Variants in SEC23A observed in about 807,000 individuals in gnomAD.
SEC23A encodes the protein protein transport protein Sec23A.
In SEC23A, 56 loss-of-function variants were observed where a neutral mutation model predicts 103.7. The ratio of observed to expected loss-of-function variants is 0.54; its 90% CI spans 0.44 to 0.67. The LOEUF is 0.67. Among genes scored for constraint, SEC23A ranks in the 30% least tolerant of loss-of-function variants. The pLI, the probability that SEC23A is intolerant of heterozygous loss-of-function variation, is 0.00. For missense variants in SEC23A, 784 were observed against 936.4 expected (o/e 0.84, Z 2.12); for synonymous variants, 281 against 293.0 (o/e 0.96, Z 0.42).
rs988751454 is a variant in SEC23A at position 39,103,198 on chromosome 14, C to A, written c.-188G>T. ...CCCCGCCCCGGGCCTCAGCGAAGAC[C>A]TCCGCCCGGCCAACATGGCTGGCGC... On this transcript the variant is annotated 5_prime_UTR_variant, in exon 1 of 20. It adds an upstream start codon to the 5' untranslated region. Transcript: ENST00000307712. 2 of 152,582 alleles carry A rather than the reference C, an allele frequency of 1.3e-5. No individual in the cohort carries two copies. Among genetic ancestry groups the A allele is most frequent in the Admixed American group, 1.3e-4 (2 of 15,306 alleles). The allele number at this position is 152,582 out of a possible 1,614,324, so 9.5% of individuals were successfully genotyped here.
At chr14:39,091,155 G>A (rs1887648467) in intron 5 of SEC23A, 1 of 378,752 alleles carries the variant, frequency 2.6e-6, no homozygotes, top group East Asian at 6.7e-5. Flanking sequence ...AAAAAAAAAA[G>A]AAACAAGCTA....
chr14:39,094,432 ATATATATATATTTTTTTTTT>A lies in SEC23A; in HGVS notation c.222-1208_222-1189del, dbSNP rs1185572462. On this transcript the variant is annotated intron_variant, in intron 2 of 19. Transcript: ENST00000307712. ...TATATATATATATATATATATATATATATATATATATTTTTTTTTTTTTTTTTTCCCCTCCTGTAGAAATG... is the reference window on the plus strand; with the variant it reads ...TATATATATATATATATATATATATATTTTTTTTCCCCTCCTGTAGAAATG... 6.2e-4 allele frequency among the ~76,000 whole-genome samples: 23 copies of A among 36,846 alleles called. 4 individuals carry two copies. Among genetic ancestry groups the A allele is most frequent in the East Asian group, 3.3e-3 (4 of 1,198 alleles). The allele number at this position is 36,846 out of a possible 152,430, so 24.2% of individuals were successfully genotyped here. A position where few individuals can be genotyped will look rare whatever the true frequency, so the allele number is the denominator to read the frequency against.
chr14:39,044,275 T>C (rs919376856), intron 16 of SEC23A, among the ~76,000 whole-genome samples: 7 of 152,236 alleles, frequency 4.6e-5, no homozygotes, highest in Non-Finnish European at 8.8e-5. Flanking sequence ...GATGTCTACA[T>C]GCACGTTATT....
chr14:39,097,657 A>C (rs1887933595), intron 1 of SEC23A, among the ~76,000 whole-genome samples: 1 of 152,250 alleles, frequency 6.6e-6, no homozygotes, highest in South Asian at 2.1e-4. Context: ...AAATTAAAGA[A>C]AACACTGTAT....
chr14:39,067,056 A>C (rs1886692637), intron 10 of SEC23A, 117 bp downstream of exon 10: 4 of 1,319,718 alleles, frequency 3.0e-6, no homozygotes, highest in Non-Finnish European at 4.3e-6. Flanking sequence ...TTCAATATAA[A>C]ATAACCACAA....
At chr14:39,088,238 G>C (rs1192666516) in intron 5 of SEC23A, 1 of 152,034 alleles carries the variant, frequency 6.6e-6, no homozygotes, top group Non-Finnish European at 1.5e-5. Context: ...AATAGGGAAA[G>C]AAAATAAACA....
chr14:39,050,020 G>A (rs113436133), intron 14 of SEC23A, among the ~76,000 whole-genome samples: 61 of 152,014 alleles, frequency 4.0e-4, no homozygotes, highest in Non-Finnish European at 4.9e-4. Context: ...CGCCCGTCTC[G>A]GCCTCCCAAA....
chr14:39,040,710 C>A, intron 18 of SEC23A, 22 bp downstream of exon 18: 1 of 1,614,082 alleles, frequency 6.2e-7, no homozygotes, highest in South Asian at 1.1e-5. Context: ...AACAAACACA[C>A]AAACAAATTA....
At chr14:39,069,185 C>T (rs997202452) in intron 9 of SEC23A, among the ~76,000 whole-genome samples, 3 of 152,158 alleles carry the variant, frequency 2.0e-5, no homozygotes, top group Non-Finnish European at 1.5e-5. Flanking sequence ...TATCCAAAAT[C>T]CAACTACTTC....
intron 7 of SEC23A, among the ~76,000 whole-genome samples, chr14:39,078,070 G>A (rs1206555459): frequency 6.6e-6 from 1 of 151,970 alleles, no homozygotes; most frequent in Non-Finnish European, 1.5e-5. Flanking sequence ...GGCAACAAAG[G>A]GAGACCTTGT....
intron 6 of SEC23A, among the ~76,000 whole-genome samples, chr14:39,086,405 G>A (rs770257012): frequency 8.5e-5 from 13 of 152,128 alleles, no homozygotes; most frequent in Admixed American, 3.3e-4. Flanking sequence ...TTGGGAGGCC[G>A]AGGAGGGAGG....
At chr14:39,066,448 G>A (rs1181389252) in intron 10 of SEC23A, among the ~76,000 whole-genome samples, 3 of 149,740 alleles carry the variant, frequency 2.0e-5, no homozygotes, top group African/African-American at 4.9e-5. Context: ...AACAATTACT[G>A]ATTATCCGAA....
In SEC23A at chr14:39,096,399, G is replaced by A. The variant is rs12895329; in HGVS notation, c.-21-260C>T. On this transcript the variant is annotated intron_variant, in intron 1 of 19. Coordinates refer to ENST00000307712, the MANE Select transcript of SEC23A (RefSeq NM_006364.4). Reference sequence around the variant, plus strand: ...TACAAAATTAGCCAGGCATGGTGGCGTATGCCTGTAATCCCAGCTACTCAG... The same window carrying A: ...TACAAAATTAGCCAGGCATGGTGGCATATGCCTGTAATCCCAGCTACTCAG... Among the ~76,000 whole-genome samples the A allele has an allele frequency of 0.058, 8,765 of 151,974 alleles. 399 individuals carry two copies. The highest frequency in any genetic ancestry group is 0.14 in the South Asian group (695 of 4,810).
At chr14:39,065,102 C>G (rs1886613844) in intron 10 of SEC23A, 109 bp from the exon 11 acceptor site, 1 of 759,516 alleles carries the variant, frequency 1.3e-6, no homozygotes, top group African/African-American at 1.7e-5. Context: ...AACTCAAAGC[C>G]AATGAAAATA....
rs1886947003 is a variant in SEC23A, at chr14:39,074,509, G to A, written c.1009C>T (p.Arg337Ter). ...GTKHFEALAN[R>*]AATTGHVIDI... ...ATAACATGGCCAGTTGTAGCAGCTCGATTAGCCAATGCTTCAAAATGCTAC... is the reference window on the plus strand; with the variant it reads ...ATAACATGGCCAGTTGTAGCAGCTCAATTAGCCAATGCTTCAAAATGCTAC... The change falls in exon 9 of 20, where the codon CGA (arginine) becomes TGA (stop). Residue 337 changes from arginine to a stop codon, truncating the protein, a stop_gained. Coordinates refer to ENST00000307712, the MANE Select transcript of SEC23A (RefSeq NM_006364.4). LOFTEE classifies it high-confidence loss of function. The A allele has an allele frequency of 6.2e-7, 1 of 1,610,594 alleles. No individual in the cohort carries two copies. The highest frequency in any genetic ancestry group is 1.7e-5 in the Admixed American group (1 of 60,002).
chr14:39,065,783 A>G (rs7157204), intron 10 of SEC23A, among the ~76,000 whole-genome samples: 140,920 of 152,038 alleles, frequency 0.93, 65,412 homozygotes, highest in East Asian at 0.97. Flanking sequence ...TGGATCACCC[A>G]AGGTCGGGAG....
chr14:39,063,288 T>C lies in SEC23A; in HGVS notation c.1398+36A>G, dbSNP rs55993688. ...AAGTAAGTACTTATTCAAATGTACG[T>C]TGTACGTTTTGATATTCAGATGTAG... is the stretch of plus-strand genomic sequence containing the variant. On this transcript the variant is annotated intron_variant, in intron 12 of 19. Transcript: ENST00000307712. 0.33 allele frequency: 397,808 copies of C among 1,215,466 alleles called. 68,285 individuals carry two copies. Among genetic ancestry groups the C allele is most frequent in the Non-Finnish European group, 0.36 (292,465 of 817,180 alleles). 75.3% of individuals were successfully genotyped at this position (1,215,466 alleles called of 1,614,324 possible).
intron 13 of SEC23A, among the ~76,000 whole-genome samples, chr14:39,059,385 A>G (rs1194363628): frequency 6.6e-6 from 1 of 151,814 alleles, no homozygotes; most frequent in Non-Finnish European, 1.5e-5. Flanking sequence ...GGTAAGACAC[A>G]ATGCTATAAA....
At chr14:39,088,552 G>A (rs113185420) in intron 5 of SEC23A, 3,902 of 151,994 alleles carry the variant, frequency 0.026, 136 homozygotes, top group African/African-American at 0.078. Context: ...GGCTAACATG[G>A]TGAAGCACCA....
Sources: allele counts gnomAD v4.1 joint callset (sites outside exome capture counted in the v4.1 genomes callset), GRCh38; gene constraint gnomAD v4.1.1; transcripts MANE v1.5; gene names NCBI Gene and HGNC (gene_info 2026-07-23, HGNC 2026-07-21).